The following PECAM1 variants were observed in gnomAD, a reference collection of about 807,000 sequenced individuals.
The protein encoded by PECAM1 is platelet and endothelial cell adhesion molecule 1, also known as platelet endothelial cell adhesion molecule.
Under a neutral mutation model 13.8 loss-of-function variants are expected in PECAM1, and 8 were observed. The ratio of observed to expected loss-of-function variants is 0.58; its 90% CI spans 0.34 to 1.05. PECAM1 has a LOEUF of 1.05. Among genes scored for constraint, PECAM1 ranks in the 50% least tolerant of loss-of-function variants. The pLI is 0.03. For synonymous variants in PECAM1, 136 were observed against 52.6 expected, an observed-to-expected ratio of 2.58 and a Z score of -6.86; for missense variants, 304 against 141.2, an observed-to-expected ratio of 2.15 and a Z score of -5.84.
intron 13 of PECAM1, among the ~76,000 whole-genome samples, chr17:64,347,202 C>G (rs2035589093): frequency 6.6e-6 from 1 of 151,860 alleles, no homozygotes; most frequent in Non-Finnish European, 1.5e-5. Flanking sequence ...AACCCTGTCT[C>G]TATTTTTCTT....
In PECAM1 at chr17:64,320,749, CATG is replaced by C. The variant is rs1312568602; in HGVS notation, c.*3064_*3066del. 6.6e-6 allele frequency: 1 copy of C among 152,266 alleles called. No homozygotes were observed. The highest frequency in any genetic ancestry group is 1.5e-5 in the Non-Finnish European group (1 of 68,076). The allele number at this position is 152,266 out of a possible 1,614,324, so 9.4% of individuals were successfully genotyped here. ...CCAGCACAGCGTCAGGAACACAGAGCATGATGAGCACAAGCTTGTTGAGCAAAC... is the reference window on the plus strand; with the variant it reads ...CCAGCACAGCGTCAGGAACACAGAGCATGAGCACAAGCTTGTTGAGCAAAC... On this transcript the variant is annotated 3_prime_UTR_variant, in exon 16 of 16. Coordinates refer to ENST00000563924, the MANE Select transcript of PECAM1 (RefSeq NM_000442.5).
intron 3 of PECAM1, 182 bp downstream of exon 3, chr17:64,377,642 G>GGAAGGAAGGA: frequency 5.6e-6 from 1 of 177,250 alleles, no homozygotes; most frequent in Non-Finnish European, 9.3e-6. Context: ...GGAAGGAAGG[G>GGAAGGAAGGA]CCTGGCCTAT....
Position 64,323,498 on chromosome 17 carries a change from A to ATT in PECAM1, c.*317_*318insAA, listed in dbSNP as rs2034857296. 7.6e-7 allele frequency: 1 copy of ATT among 1,311,894 alleles called. No individual in the cohort carries two copies. Among genetic ancestry groups the ATT allele is most frequent in the African/African-American group, 1.5e-5 (1 of 66,942 alleles). The allele number at this position is 1,311,894 out of a possible 1,614,324, so 81.3% of individuals were successfully genotyped here. ...GAAAAGGTCTTTATCTCTGCACAAA[A>ATT]CAAAATATTCAAGTTTCAGAATATC... On this transcript the variant is annotated 3_prime_UTR_variant, in exon 16 of 16. Transcript: ENST00000563924.
At chr17:64,341,441 A>G (rs1387155982) in intron 14 of PECAM1, among the ~76,000 whole-genome samples, 193 bp downstream of exon 14, 1 of 152,152 alleles carries the variant, frequency 6.6e-6, no homozygotes, top group African/African-American at 2.4e-5. Flanking sequence ...CTCGTTGACT[A>G]CATGAATAGT....
At position 64,346,206 on chromosome 17, in the gene PECAM1, G is replaced by T. The variant is rs962306849; in HGVS notation, c.2107+2054C>A. ...AGGGAGCTTCCCAGCTGGGCAGGAAGGTTCTGAGACTGCTTCCTTTGAGCG... is the reference window on the plus strand; with the variant it reads ...AGGGAGCTTCCCAGCTGGGCAGGAATGTTCTGAGACTGCTTCCTTTGAGCG... On this transcript the variant is annotated intron_variant, in intron 13 of 15. Coordinates refer to ENST00000563924, the MANE Select transcript of PECAM1 (RefSeq NM_000442.5). Among the ~76,000 whole-genome samples, 7 of 152,266 alleles carry T rather than the reference G, an allele frequency of 4.6e-5. No individual in the cohort carries two copies. In the South Asian group the frequency reaches 1.5e-3, roughly 32 times the overall value.
chr17:64,321,369 G>A lies in PECAM1; in HGVS notation c.*2447C>T. On this transcript the variant is annotated 3_prime_UTR_variant, in exon 16 of 16. Transcript: ENST00000563924. ...AAAGCCAGCGTCCTGGATTCAGACA[G>A]ACCTTTTAGCCATTAAATCCACTAA... The A allele has an allele frequency of 1.1e-6, 1 of 934,194 alleles. No individual in the cohort carries two copies. Among genetic ancestry groups the A allele is most frequent in the African/African-American group, 1.8e-5 (1 of 56,342 alleles). The allele number at this position is 934,194 out of a possible 1,614,324, so 57.9% of individuals were successfully genotyped here.
chr17:64,362,982 G>C (rs2036020723), intron 6 of PECAM1, among the ~76,000 whole-genome samples, 167 bp downstream of exon 6: 1 of 152,200 alleles, frequency 6.6e-6, no homozygotes, highest in African/African-American at 2.4e-5. Context: ...TCAGTGTTCT[G>C]AGCAGGAATA....
chr17:64,374,169 A>C (rs2036304186), intron 4 of PECAM1, among the ~76,000 whole-genome samples: 1 of 152,214 alleles, frequency 6.6e-6, no homozygotes, highest in Admixed American at 6.5e-5. Context: ...ATAATGCATC[A>C]GTGTAGTGTG....
At chr17:64,345,710 A>AT (rs1281056844) in intron 13 of PECAM1, among the ~76,000 whole-genome samples, 4 of 130,516 alleles carry the variant, frequency 3.1e-5, no homozygotes, top group Non-Finnish European at 4.6e-5. Flanking sequence ...CAAGACTGTC[A>AT]TAAAAAAAAA....
At chr17:64,338,911 T>C (rs1372245053) in intron 14 of PECAM1, among the ~76,000 whole-genome samples, 3 of 152,322 alleles carry the variant, frequency 2.0e-5, no homozygotes, top group Non-Finnish European at 4.4e-5. Flanking sequence ...TTACTCATCA[T>C]TGATGTTTCT....
intron 13 of PECAM1, among the ~76,000 whole-genome samples, chr17:64,347,473 T>C (rs2035598426): frequency 6.8e-6 from 1 of 148,028 alleles, no homozygotes; most frequent in African/African-American, 2.5e-5. Flanking sequence ...GAGGTTGCAG[T>C]GAGCTGAGAT....
At position 64,358,094 on chromosome 17, in the gene PECAM1, T is replaced by A. The variant is rs978306138; in HGVS notation, c.1493-1696A>T. Among the ~76,000 whole-genome samples the A allele has an allele frequency of 2.0e-4, 30 of 149,884 alleles. No homozygotes were observed. The South Asian group carries it at 6.1e-3, about 31-fold the overall frequency. ...AAACTCCAGCCTTTGTTTCCAGCCA[T>A]CTGATTTGGCCACAGTCTTTTTTTT... On this transcript the variant is annotated intron_variant, in intron 7 of 15. Coordinates refer to ENST00000563924, the MANE Select transcript of PECAM1 (RefSeq NM_000442.5).
chr17:64,382,103 A>G (rs1424089481), intron 2 of PECAM1, among the ~76,000 whole-genome samples: 5 of 147,114 alleles, frequency 3.4e-5, no homozygotes, highest in Non-Finnish European at 1.5e-5. Flanking sequence ...TCCATCTCAA[A>G]AAAACCTTTT....
At chr17:64,381,602 G>A (rs1315984328) in intron 2 of PECAM1, among the ~76,000 whole-genome samples, 1 of 152,132 alleles carries the variant, frequency 6.6e-6, no homozygotes, top group Non-Finnish European at 1.5e-5. Context: ...ATTTGCGCCT[G>A]CTGCTATATT....
chr17:64,372,476 TTTTA>T lies in PECAM1; in HGVS notation c.692-2455_692-2452del, dbSNP rs1364143293. On this transcript the variant is annotated intron_variant, in intron 4 of 15. Coordinates refer to ENST00000563924, the MANE Select transcript of PECAM1 (RefSeq NM_000442.5). The stretch of plus-strand genomic sequence containing the variant: ...ATTTTCTCCAGTTTGTCATTTGTCT[TTTTA>T]TTTTACGATAAGTTTTTCATACTGA... 2.7e-3 allele frequency among the ~76,000 whole-genome samples: 411 copies of T among 152,208 alleles called. 2 individuals are homozygous for T. Among genetic ancestry groups the T allele is most frequent in the African/African-American group, 9.5e-3 (396 of 41,556 alleles).
At position 64,363,386 on chromosome 17, in the gene PECAM1, T is replaced by C. The variant is rs2036030656; in HGVS notation, c.979A>G (p.Lys327Glu). ...IVVNITELFS[K>E]PELESSFTHL... ...GTGAAGGAAGATTCCAGTTCGGGCT[T>C]GGAAAATAGTTCTGAAAAACAGTGA... Residue 327 changes from lysine (K) to glutamate (E), a missense_variant, in exon 6 of 16, where the codon AAG (lysine) becomes GAG (glutamate). Physicochemically the swap from Lys to Glu is moderately conservative, Grantham distance 56 (BLOSUM62 1). Coordinates refer to ENST00000563924, the MANE Select transcript of PECAM1 (RefSeq NM_000442.5). 3 of 475,288 alleles carry C rather than the reference T, an allele frequency of 6.3e-6. No homozygotes were observed. The highest frequency in any genetic ancestry group is 1.2e-5 in the Non-Finnish European group (3 of 259,116). The allele number at this position is 475,288 out of a possible 1,614,324, so 29.4% of individuals were successfully genotyped here.
chr17:64,336,763 C>T (rs1283181387), intron 14 of PECAM1, among the ~76,000 whole-genome samples: 3 of 151,852 alleles, frequency 2.0e-5, no homozygotes, highest in African/African-American at 4.8e-5. Context: ...GAGGCTGAGG[C>T]GGGAGGATCG....
At chr17:64,356,745 G>A (rs2035855962) in intron 7 of PECAM1, among the ~76,000 whole-genome samples, 1 of 152,062 alleles carries the variant, frequency 6.6e-6, no homozygotes, top group South Asian at 2.1e-4. Context: ...GCCCACCTCG[G>A]CCTTCCAAAA....
At chr17:64,361,635 C>A (rs1363092815) in intron 6 of PECAM1, among the ~76,000 whole-genome samples, 1 of 151,196 alleles carries the variant, frequency 6.6e-6, no homozygotes, top group Non-Finnish European at 1.5e-5. Context: ...TGCCTGTAAT[C>A]CTAGCTACTC....
Sources: allele counts gnomAD v4.1 joint callset (sites outside exome capture counted in the v4.1 genomes callset), GRCh38; gene constraint gnomAD v4.1.1; transcripts MANE v1.5; gene names NCBI Gene and HGNC (gene_info 2026-07-23, HGNC 2026-07-21).